The following MSH3 variants were observed in gnomAD, a reference collection of about 807,000 sequenced individuals.
MSH3 encodes mutS homolog 3.
MSH3 carries 106 observed loss-of-function variants against 123.3 expected under a neutral mutation model. The observed-to-expected ratio is 0.86, with a 90% CI of 0.73 to 1.01. The LOEUF (loss-of-function observed/expected upper bound fraction) is 1.01. Among genes scored for constraint, MSH3 ranks in the 50% least tolerant of loss-of-function variants. The pLI is 0.00. For missense variants in MSH3, 1,459 were observed against 1,347.6 expected, an observed-to-expected ratio of 1.08 and a Z score of -1.29; for synonymous variants, 515 against 481.4, an observed-to-expected ratio of 1.07 and a Z score of -0.91.
At position 80,740,268 on chromosome 5, in the gene MSH3, A is replaced by T. The variant is rs188176373; in HGVS notation, c.1569-1196A>T. 1.2e-3 allele frequency among the ~76,000 whole-genome samples: 181 copies of T among 152,280 alleles called. 1 individual carries two copies. The highest frequency in any genetic ancestry group is 5.9e-4 in the Non-Finnish European group (40 of 68,018). ...TTGGATAGATACTGAGACAATAAGG[A>T]GAGTGTGAATGCTTTAACTCAGTTT... On this transcript the variant is annotated intron_variant, in intron 10 of 23. Coordinates refer to ENST00000265081, the MANE Select transcript of MSH3 (RefSeq NM_002439.5).
At chr5:80,875,080 A>G (rs1337567510) in intron 23 of MSH3, among the ~76,000 whole-genome samples, 3 of 152,208 alleles carry the variant, frequency 2.0e-5, no homozygotes, top group Non-Finnish European at 2.9e-5. Flanking sequence ...CATTCTGAGC[A>G]GTCATTTGCA....
At chr5:80,688,154 A>G (rs1247343339) in intron 8 of MSH3, among the ~76,000 whole-genome samples, 1 of 152,256 alleles carries the variant, frequency 6.6e-6, no homozygotes, top group Admixed American at 6.5e-5. Context: ...TTTGAAAAAG[A>G]CATGTGGAAG....
At chr5:80,730,227 A>C (rs1187198743) in intron 10 of MSH3, among the ~76,000 whole-genome samples, 1 of 152,240 alleles carries the variant, frequency 6.6e-6, no homozygotes, top group African/African-American at 2.4e-5. Context: ...CCAATGCTTA[A>C]AATTTCATGA....
intron 19 of MSH3, among the ~76,000 whole-genome samples, chr5:80,806,317 G>C (rs114020003): frequency 0.014 from 2,107 of 152,110 alleles, 44 homozygotes; most frequent in African/African-American, 0.048. Flanking sequence ...GGCTGCTCTC[G>C]AACTCCTGAC....
intron 19 of MSH3, among the ~76,000 whole-genome samples, chr5:80,793,923 T>C (rs1386508524): frequency 6.6e-6 from 1 of 152,100 alleles, no homozygotes; most frequent in Non-Finnish European, 1.5e-5. Flanking sequence ...TACTCCTGCA[T>C]AGGGAAGAGT....
At chr5:80,744,187 T>C (rs1038813431) in intron 11 of MSH3, among the ~76,000 whole-genome samples, 1 of 152,324 alleles carries the variant, frequency 6.6e-6, no homozygotes, top group East Asian at 1.9e-4. Context: ...TAAGTCATCT[T>C]CCTATGTTGT....
rs528392879 is a variant in MSH3 at position 80,779,515 on chromosome 5, C to A, written c.2435+679C>A. Among the ~76,000 whole-genome samples, 8 of 151,548 alleles carry A rather than the reference C, an allele frequency of 5.3e-5. No individual in the cohort carries two copies. The South Asian group carries it at 1.5e-3, about 28-fold the overall frequency. On this transcript the variant is annotated intron_variant, in intron 17 of 23. Transcript: ENST00000265081. The stretch of plus-strand genomic sequence containing the variant: ...GACATTCTACTATATAATCTTAACA[C>A]CATTTATTATTACATCTAAAAAAAA...
chr5:80,787,223 C>T (rs912857435), intron 17 of MSH3, among the ~76,000 whole-genome samples: 19 of 152,148 alleles, frequency 1.2e-4, no homozygotes, highest in Non-Finnish European at 4.4e-5. Flanking sequence ...ATGAATATTT[C>T]ATGATGTTAT....
intron 8 of MSH3, among the ~76,000 whole-genome samples, chr5:80,704,069 C>T (rs752237679): frequency 2.0e-5 from 3 of 152,166 alleles, no homozygotes; most frequent in Non-Finnish European, 4.4e-5. Context: ...CCCTTTGACA[C>T]TCCTTCTGCT....
chr5:80,676,282 C>T (rs1208284164), intron 7 of MSH3, among the ~76,000 whole-genome samples: 1 of 151,976 alleles, frequency 6.6e-6, no homozygotes, highest in African/African-American at 2.4e-5. Flanking sequence ...CAGCCCACCT[C>T]GGCCTCCCAA....
intron 8 of MSH3, among the ~76,000 whole-genome samples, chr5:80,698,812 T>TG (rs991984286): frequency 8.2e-6 from 1 of 122,550 alleles, no homozygotes; most frequent in Non-Finnish European, 1.7e-5. Flanking sequence ...TGTGGGGTGG[T>TG]GGGGGGGACG....
intron 1 of MSH3, 62 bp downstream of exon 1, chr5:80,655,026 G>A (rs1749229185): frequency 1.0e-6 from 1 of 971,952 alleles, no homozygotes; most frequent in Admixed American, 3.6e-5. Flanking sequence ...TTGTGGGTAA[G>A]GCGGGCGGAG....
intron 3 of MSH3, among the ~76,000 whole-genome samples, chr5:80,666,918 T>C (rs1430472339): frequency 6.6e-6 from 1 of 152,230 alleles, no homozygotes; most frequent in Non-Finnish European, 1.5e-5. Context: ...CAGCATACTG[T>C]CTCTGGGAAT....
intron 20 of MSH3, among the ~76,000 whole-genome samples, chr5:80,829,286 AAGAG>A (rs1745378444): frequency 6.6e-6 from 1 of 152,236 alleles, no homozygotes. Flanking sequence ...AAGGAGTGGT[AAGAG>A]GTGACAGCTT....
chr5:80,869,559 A>T (rs33002), intron 22 of MSH3, among the ~76,000 whole-genome samples: 68,304 of 151,704 alleles, frequency 0.45, 16,860 homozygotes, highest in Non-Finnish European at 0.56. Context: ...CGATTATAGA[A>T]GAGTGGTTGC....
chr5:80,709,207 A>ATGTGTG (rs1491153058), intron 8 of MSH3, among the ~76,000 whole-genome samples: 3 of 117,024 alleles, frequency 2.6e-5, no homozygotes, highest in African/African-American at 1.0e-4. Flanking sequence ...TATAAAATAG[A>ATGTGTG]TATGTGTGTG....
intron 10 of MSH3, among the ~76,000 whole-genome samples, chr5:80,739,197 G>T (rs1743568142): frequency 1.3e-5 from 2 of 152,194 alleles, no homozygotes; most frequent in Admixed American, 1.3e-4. Context: ...CAGAACAGCG[G>T]AAGTAAGGAC....
intron 18 of MSH3, 38 bp from the exon 19 acceptor site, chr5:80,792,695 C>G (rs767759469): frequency 1.3e-5 from 17 of 1,272,936 alleles, no homozygotes; most frequent in Non-Finnish European, 1.8e-5. Flanking sequence ...AAGGCTATTT[C>G]CATGCCTAGT....
chr5:80,871,905 G>T (rs771019569), intron 22 of MSH3, among the ~76,000 whole-genome samples: 1 of 152,114 alleles, frequency 6.6e-6, no homozygotes, highest in Non-Finnish European at 1.5e-5. Context: ...ACTGGCTGTA[G>T]GCTGCCCCAA....
Sources: allele counts gnomAD v4.1 joint callset (sites outside exome capture counted in the v4.1 genomes callset), GRCh38; gene constraint gnomAD v4.1.1; transcripts MANE v1.5; gene names NCBI Gene and HGNC (gene_info 2026-07-23, HGNC 2026-07-21).